Variants in MTMR4 observed in about 807,000 individuals in gnomAD.
The protein encoded by MTMR4 is myotubularin related protein 4, also known as phosphatidylinositol-3,5-bisphosphate 3-phosphatase MTMR4.
A neutral mutation model predicts 125.5 loss-of-function variants in MTMR4; 30 were observed. The ratio of observed to expected loss-of-function variants is 0.24; its 90% CI spans 0.18 to 0.32. The LOEUF is 0.32. MTMR4 is among the 10% of genes least tolerant of loss of function. The pLI, the probability that MTMR4 is intolerant of heterozygous loss-of-function variation, is 1.00. For synonymous variants in MTMR4, 498 were observed against 564.5 expected, an observed-to-expected ratio of 0.88 and a Z score of 1.67; for missense variants, 1,039 against 1,511.5, an observed-to-expected ratio of 0.69 and a Z score of 5.18.
At chr17:58,501,591 CAT>C (rs768427047) in intron 14 of MTMR4, among the ~76,000 whole-genome samples, 2 of 150,774 alleles carry the variant, frequency 1.3e-5, no homozygotes, top group Non-Finnish European at 2.9e-5. Flanking sequence ...ATATAGTATA[CAT>C]ATATACACAC....
At chr17:58,505,230 G>C (rs1469508037) in intron 10 of MTMR4, among the ~76,000 whole-genome samples, 3 of 152,210 alleles carry the variant, frequency 2.0e-5, no homozygotes, top group Non-Finnish European at 2.9e-5. Context: ...CCTCTCCCCA[G>C]TTCTCTGTGT....
Position 58,512,127 on chromosome 17 carries a change from A to G in MTMR4, c.252+263T>C, listed in dbSNP as rs758034676. ...TCAGCCCCCGAGTAGGTGGGATTAC[A>G]GGTGCGCACCACCAAGCCCGACTAA... On this transcript the variant is annotated intron_variant, in intron 3 of 17. Transcript: ENST00000682306. This position sits in a 1 kb window ranked among gnomAD's most constrained non-coding sequence, Gnocchi z 4.1. Among the ~76,000 whole-genome samples, 167 of 152,134 alleles carry G rather than the reference A, an allele frequency of 1.1e-3. No homozygotes were observed. Among genetic ancestry groups the G allele is most frequent in the Non-Finnish European group, 2.2e-3 (147 of 68,016 alleles).
At position 58,503,912 on chromosome 17, in the gene MTMR4, C is replaced by T; in HGVS notation, c.1699-14G>A. 3 of 1,609,856 alleles carry T rather than the reference C, an allele frequency of 1.9e-6. No individual in the cohort carries two copies. The highest frequency in any genetic ancestry group is 2.5e-6 in the Non-Finnish European group (3 of 1,177,984). The stretch of plus-strand genomic sequence containing the variant: ...AGGATGCAGGACCTAGGGAAGCAGC[C>T]CAATACTAGTGCTTTGTCAAGAGTT... On this transcript the variant is annotated splice_polypyrimidine_tract_variant and intron_variant, in intron 13 of 17. Coordinates refer to ENST00000682306, the MANE Select transcript of MTMR4 (RefSeq NM_001378067.1).
chr17:58,502,258 A>C (rs536813269), intron 14 of MTMR4, among the ~76,000 whole-genome samples: 22 of 151,084 alleles, frequency 1.5e-4, no homozygotes, highest in African/African-American at 5.3e-4. Flanking sequence ...CCCAGATTCA[A>C]GCGATTCTTA....
chr17:58,502,116 T>C (rs1387214238), intron 14 of MTMR4, among the ~76,000 whole-genome samples: 1 of 150,112 alleles, frequency 6.7e-6, no homozygotes, highest in Non-Finnish European at 1.5e-5. Flanking sequence ...AACTATGTAC[T>C]TAAAAATGGT....
At chr17:58,505,379 T>G (rs1270813622) in intron 10 of MTMR4, 93 bp downstream of exon 10, 2 of 1,142,974 alleles carry the variant, frequency 1.7e-6, no homozygotes, top group Non-Finnish European at 1.3e-6. Flanking sequence ...TCTCCTGCTC[T>G]CCAAACTTCT....
upstream of MTMR4, chr17:58,517,818 C>G (rs2042039940): frequency 6.5e-6 from 1 of 153,004 alleles, no homozygotes; most frequent in Non-Finnish European, 1.5e-5. Context: ...GTGACTCACC[C>G]AGGCGGCGTC....
upstream of MTMR4, among the ~76,000 whole-genome samples, chr17:58,518,169 G>A (rs1429912555): frequency 1.3e-5 from 2 of 152,238 alleles, no homozygotes; most frequent in African/African-American, 2.4e-5. Context: ...GCAGCCAATA[G>A]GAGAGCAGTA....
chr17:58,499,627 G>T (rs1040922242), intron 14 of MTMR4, among the ~76,000 whole-genome samples: 2 of 143,026 alleles, frequency 1.4e-5, no homozygotes, highest in Non-Finnish European at 3.1e-5. Flanking sequence ...CATTTGTCCA[G>T]TTTTTTTTTT....
At chr17:58,494,743 T>A (rs1975406898) in intron 15 of MTMR4, among the ~76,000 whole-genome samples, 189 bp downstream of exon 15, 1 of 152,224 alleles carries the variant, frequency 6.6e-6, no homozygotes, top group Admixed American at 6.5e-5. Context: ...TCCAGCCCTC[T>A]AACACCTGAT....
chr17:58,496,527 T>C (rs1315629580), intron 14 of MTMR4, among the ~76,000 whole-genome samples, 197 bp from the exon 15 acceptor site: 2 of 152,232 alleles, frequency 1.3e-5, no homozygotes, highest in East Asian at 3.8e-4. Context: ...AAAAAAAGCA[T>C]GAGACATGGA....
rs146958817 is a variant in MTMR4, at chr17:58,512,299, A to C, written c.252+91T>G. Reference sequence around the variant, plus strand: ...CTGCGCCCGGCCTCCAACTTTTTTAATGACATGATCAAGGACAGCCTTGGA... The same window carrying C: ...CTGCGCCCGGCCTCCAACTTTTTTACTGACATGATCAAGGACAGCCTTGGA... On this transcript the variant is annotated intron_variant, in intron 3 of 17. Transcript: ENST00000682306. This position sits in a 1 kb window ranked among gnomAD's most constrained non-coding sequence, Gnocchi z 4.1. 362 of 1,189,882 alleles carry C rather than the reference A, an allele frequency of 3.0e-4. 2 individuals carry two copies. In the Middle Eastern group the frequency reaches 4.8e-3, roughly 16 times the overall value. 73.7% of individuals were successfully genotyped at this position (1,189,882 alleles called of 1,614,324 possible).
upstream of MTMR4, among the ~76,000 whole-genome samples, chr17:58,517,231 G>A (rs1217083350): frequency 6.6e-6 from 1 of 152,230 alleles, no homozygotes; most frequent in Non-Finnish European, 1.5e-5. Flanking sequence ...CCACACAACA[G>A]GGACAGAATC....
In MTMR4 at chr17:58,512,235, C is replaced by T. The variant is rs1975950969; in HGVS notation, c.252+155G>A. On this transcript the variant is annotated intron_variant, in intron 3 of 17. Coordinates refer to ENST00000682306, the MANE Select transcript of MTMR4 (RefSeq NM_001378067.1). The surrounding 1 kb of genome is among the most constrained non-coding windows in gnomAD (Gnocchi z 4.1). ...TCCTGACCTCAAGTGATCCACCCGC[C>T]TCGGCCTCCCAAAGTGCTGGGATTA... is the stretch of plus-strand genomic sequence containing the variant. Among the ~76,000 whole-genome samples the T allele has an allele frequency of 6.6e-6, 1 of 152,236 alleles. No individual in the cohort carries two copies. Among genetic ancestry groups the T allele is most frequent in the South Asian group, 2.1e-4 (1 of 4,834 alleles).
At chr17:58,509,245 C>T (rs1975862075) in intron 4 of MTMR4, among the ~76,000 whole-genome samples, 1 of 151,384 alleles carries the variant, frequency 6.6e-6, no homozygotes, top group Admixed American at 6.6e-5. Flanking sequence ...CTTCCCATCT[C>T]CTTGGTTTAT....
rs1167563369 is a variant in MTMR4 at position 58,494,977 on chromosome 17, G to A, written c.3207C>T (p.Cys1069=). The A allele has an allele frequency of 2.5e-6, 4 of 1,614,092 alleles. No individual in the cohort carries two copies. Among genetic ancestry groups the A allele is most frequent in the Non-Finnish European group, 3.4e-6 (4 of 1,180,038 alleles). The part of the protein sequence containing the change: ...ELQMRLDIRH[C]CAPPAEPPMD... ...TGGGGGGCTCTGCTGGAGGGGCACA[G>A]CAGTGACGGATGTCCAGCCTCATCT... The change falls in exon 15 of 18, where the codon TGC becomes TGT. Residue 1069 remains cysteine (C), a synonymous_variant. Coordinates refer to ENST00000682306, the MANE Select transcript of MTMR4 (RefSeq NM_001378067.1).
chr17:58,502,248 C>A (rs185478211), intron 14 of MTMR4, among the ~76,000 whole-genome samples: 8 of 151,566 alleles, frequency 5.3e-5, no homozygotes, highest in Middle Eastern at 6.8e-3. Flanking sequence ...TCTCCACCCC[C>A]CCAGATTCAA....
intron 14 of MTMR4, among the ~76,000 whole-genome samples, chr17:58,501,610 GTA>G (rs1975632991): frequency 6.6e-6 from 1 of 150,652 alleles, no homozygotes; most frequent in African/African-American, 2.4e-5. Context: ...ACACATATAT[GTA>G]TATGTCTATG....
chr17:58,512,677 C>T lies in MTMR4; in HGVS notation c.136-171G>A, dbSNP rs892552762. 2.0e-5 allele frequency among the ~76,000 whole-genome samples: 3 copies of T among 152,206 alleles called. No individual in the cohort carries two copies. Among genetic ancestry groups the T allele is most frequent in the African/African-American group, 7.2e-5 (3 of 41,446 alleles). Reference sequence around the variant, plus strand: ...CAGCTGTACAGGAAAGCTGCCTTTCCTTCCCTGCGGCCAAAGGCTCCAGGA... The same window carrying T: ...CAGCTGTACAGGAAAGCTGCCTTTCTTTCCCTGCGGCCAAAGGCTCCAGGA... On this transcript the variant is annotated intron_variant, in intron 2 of 17. Transcript: ENST00000682306. The surrounding 1 kb of genome is among the most constrained non-coding windows in gnomAD (Gnocchi z 4.1).
Sources: gnomAD v4.1 joint callset for allele counts (sites outside exome capture counted in the v4.1 genomes callset) on GRCh38, gnomAD v4.1.1 for gene constraint, Gnocchi (gnomAD v3.1) non-coding constraint, MANE v1.5 for transcripts, NCBI Gene and HGNC (gene_info 2026-07-23, HGNC 2026-07-21) for gene names.